Variants in EDIL3 observed in about 807,000 individuals in gnomAD.
EDIL3 encodes EGF like and discoidin domains 3.
A neutral mutation model predicts 67.4 loss-of-function variants in EDIL3; 37 were observed. The ratio of observed to expected loss-of-function variants is 0.55; its 90% CI spans 0.42 to 0.72. The LOEUF (loss-of-function observed/expected upper bound fraction) is 0.72, where lower values mean the gene tolerates loss of function less well. EDIL3 is among the 30% of genes least tolerant of loss of function. The probability of loss-of-function intolerance (pLI) is 0.00; values close to 1 mark genes in which losing one functional copy is unlikely to be tolerated. For synonymous variants in EDIL3, 195 were observed against 196.3 expected, an observed-to-expected ratio of 0.99 and a Z score of 0.05; for missense variants, 527 against 586.3, an observed-to-expected ratio of 0.90 and a Z score of 1.04.
intron 4 of EDIL3, among the ~76,000 whole-genome samples, chr5:84,138,667 T>G (rs1748135580): frequency 6.6e-6 from 1 of 151,512 alleles, no homozygotes; most frequent in Non-Finnish European, 1.5e-5. Context: ...CTTTTGACAT[T>G]TTTTTTTTCT....
rs1310991608 is a variant in EDIL3 at position 84,284,056 on chromosome 5, G to A, written c.68-29844C>T. Among the ~76,000 whole-genome samples the A allele has an allele frequency of 4.6e-5, 7 of 151,646 alleles. No individual in the cohort carries two copies. In the South Asian group the frequency reaches 6.3e-4, roughly 14 times the overall value. ...CACCTCCATTCTCAACACCATCATC[G>A]CACCTCACATCTTTACTTCAGATGC... On this transcript the variant is annotated intron_variant, in intron 1 of 10. Coordinates refer to ENST00000296591, the MANE Select transcript of EDIL3 (RefSeq NM_005711.5).
At chr5:84,004,155 T>C (rs546446221) in intron 9 of EDIL3, among the ~76,000 whole-genome samples, 83 of 152,238 alleles carry the variant, frequency 5.5e-4, no homozygotes, top group Middle Eastern at 3.4e-3. Context: ...CACATAACAC[T>C]GGAGTATCTT....
chr5:84,113,915 T>C (rs1747617809), intron 5 of EDIL3, among the ~76,000 whole-genome samples: 1 of 152,182 alleles, frequency 6.6e-6, no homozygotes, highest in Admixed American at 6.5e-5. Context: ...AGCGTGATAA[T>C]TGTGCTGAAT....
intron 10 of EDIL3, among the ~76,000 whole-genome samples, chr5:83,950,721 A>G (rs938464035): frequency 6.6e-6 from 1 of 151,858 alleles, no homozygotes; most frequent in African/African-American, 2.4e-5. Context: ...ATATCAAACA[A>G]CCAGTGTTAC....
intron 5 of EDIL3, among the ~76,000 whole-genome samples, chr5:84,119,562 T>C (rs138827764): frequency 1.3e-5 from 2 of 152,188 alleles, no homozygotes; most frequent in African/African-American, 4.8e-5. Flanking sequence ...AATTAAATAA[T>C]CTTAGTTTAA....
At chr5:84,006,103 T>TAATAATAATAACAAC (rs550067507) in intron 9 of EDIL3, among the ~76,000 whole-genome samples, 6 of 149,116 alleles carry the variant, frequency 4.0e-5, no homozygotes, top group Admixed American at 2.0e-4. Flanking sequence ...ATAATAATAA[T>TAATAATAATAACAAC]AATAATAGTA....
chr5:83,945,786 G>A (rs1256242277), intron 10 of EDIL3, among the ~76,000 whole-genome samples: 1 of 151,912 alleles, frequency 6.6e-6, no homozygotes, highest in Non-Finnish European at 1.5e-5. Context: ...GAAGTTTCAC[G>A]AAACAGGATG....
intron 9 of EDIL3, among the ~76,000 whole-genome samples, chr5:83,995,904 T>C (rs1315419915): frequency 1.3e-5 from 2 of 152,202 alleles, no homozygotes; most frequent in Non-Finnish European, 2.9e-5. Flanking sequence ...TAAGACAATG[T>C]GCACTCTAAA....
At chr5:84,037,953 G>A (rs578173116) in intron 9 of EDIL3, among the ~76,000 whole-genome samples, 1 of 151,350 alleles carries the variant, frequency 6.6e-6, no homozygotes, top group South Asian at 2.1e-4. Context: ...AACAGCAAAA[G>A]GTGCTGGGAT....
At chr5:84,246,323 G>A (rs1029790621) in intron 2 of EDIL3, among the ~76,000 whole-genome samples, 14 of 152,192 alleles carry the variant, frequency 9.2e-5, no homozygotes, top group African/African-American at 3.4e-4. Flanking sequence ...TGACACCTTT[G>A]CCACTGCCAC....
intron 4 of EDIL3, among the ~76,000 whole-genome samples, chr5:84,141,770 G>A (rs1748193349): frequency 6.7e-6 from 1 of 149,164 alleles, no homozygotes; most frequent in South Asian, 2.1e-4. Context: ...TTATCGGTAT[G>A]TCATACATAA....
At chr5:84,317,921 C>T (rs1301088042) in intron 1 of EDIL3, among the ~76,000 whole-genome samples, 1 of 152,180 alleles carries the variant, frequency 6.6e-6, no homozygotes, top group Admixed American at 6.5e-5. Context: ...ACTCCATCGT[C>T]TCAGCCCAAA....
chr5:84,051,342 A>G (rs1000122151), intron 9 of EDIL3, among the ~76,000 whole-genome samples: 1 of 152,198 alleles, frequency 6.6e-6, no homozygotes, highest in Non-Finnish European at 1.5e-5. Context: ...AGGTAGATAA[A>G]ACCACAAAGA....
intron 9 of EDIL3, among the ~76,000 whole-genome samples, chr5:83,991,887 T>C (rs1272517346): frequency 6.6e-6 from 1 of 152,178 alleles, no homozygotes; most frequent in Non-Finnish European, 1.5e-5. Flanking sequence ...ATCCTCTGTC[T>C]TGATGAACCT....
intron 2 of EDIL3, among the ~76,000 whole-genome samples, chr5:84,231,690 G>A (rs1045225520): frequency 1.3e-5 from 2 of 152,184 alleles, no homozygotes; most frequent in Admixed American, 6.5e-5. Flanking sequence ...AACACAGTTG[G>A]CATGCATGGC....
chr5:84,210,591 G>A (rs1207913886), intron 3 of EDIL3, among the ~76,000 whole-genome samples: 1 of 151,676 alleles, frequency 6.6e-6, no homozygotes, highest in Non-Finnish European at 1.5e-5. Flanking sequence ...AAACATATAA[G>A]CATATATAAG....
chr5:84,182,412 C>T (rs1309379268), intron 3 of EDIL3, among the ~76,000 whole-genome samples: 2 of 151,822 alleles, frequency 1.3e-5, no homozygotes, highest in Non-Finnish European at 2.9e-5. Context: ...GTTAAGATCA[C>T]ACCACTGCAT....
chr5:84,008,674 AAAGCAGTTT>A (rs1475421122), intron 9 of EDIL3, among the ~76,000 whole-genome samples: 1 of 152,216 alleles, frequency 6.6e-6, no homozygotes, highest in Admixed American at 6.5e-5. Flanking sequence ...GACCTTGCTA[AAAGCAGTTT>A]CACAGAAATG....
At chr5:84,296,313 A>C (rs1281937822) in intron 1 of EDIL3, among the ~76,000 whole-genome samples, 1 of 152,204 alleles carries the variant, frequency 6.6e-6, no homozygotes, top group Non-Finnish European at 1.5e-5. Flanking sequence ...TTGTATCAAC[A>C]TTCAATTTTA....
Sources: gnomAD v4.1 joint callset for allele counts (sites outside exome capture counted in the v4.1 genomes callset) on GRCh38, gnomAD v4.1.1 for gene constraint, MANE v1.5 for transcripts, NCBI Gene and HGNC (gene_info 2026-07-23, HGNC 2026-07-21) for gene names.